MYO5A: variants seen among roughly 807,000 people sequenced by gnomAD.
The protein encoded by MYO5A is myosin VA, also known as unconventional myosin-Va.
In MYO5A, 98 loss-of-function variants were observed where a neutral mutation model predicts 249.7. The ratio of observed to expected loss-of-function variants is 0.39; its 90% CI spans 0.33 to 0.46. The LOEUF (loss-of-function observed/expected upper bound fraction) is 0.46. MYO5A is among the 20% of genes least tolerant of loss of function. The pLI, the probability that MYO5A is intolerant of heterozygous loss-of-function variation, is 0.98. For missense variants in MYO5A, 1,696 were observed against 2,308.8 expected, an observed-to-expected ratio of 0.73 and a Z score of 5.44; for synonymous variants, 778 against 810.6, an observed-to-expected ratio of 0.96 and a Z score of 0.68.
chr15:52,397,485 T>G lies in MYO5A; in HGVS notation c.1054-19A>C. On this transcript the variant is annotated intron_variant, in intron 9 of 41. Coordinates refer to ENST00000399233, the MANE Select transcript of MYO5A (RefSeq NM_001382347.1). Reference sequence around the variant, plus strand: ...GCTTGGGCTGCCAAAAGATAATGAGTTATTTCCTATGACCAGATAAATCAA... The same window carrying G: ...GCTTGGGCTGCCAAAAGATAATGAGGTATTTCCTATGACCAGATAAATCAA... 1.2e-6 allele frequency: 2 copies of G among 1,612,242 alleles called. No homozygotes were observed. The highest frequency in any genetic ancestry group is 2.2e-5 in the South Asian group (2 of 90,872).
At chr15:52,441,085 A>G (rs1469898120) in intron 1 of MYO5A, among the ~76,000 whole-genome samples, 2 of 152,220 alleles carry the variant, frequency 1.3e-5, no homozygotes, top group Non-Finnish European at 2.9e-5. Flanking sequence ...GAAATCTGAC[A>G]TTAATGCGGA....
chr15:52,379,850 G>T lies in MYO5A; in HGVS notation c.2071C>A (p.Arg691=), dbSNP rs768378080. Residue 691 remains arginine (R), a synonymous_variant, in exon 17 of 42, where the codon CGA becomes AGA. Coordinates refer to ENST00000399233, the MANE Select transcript of MYO5A (RefSeq NM_001382347.1). ...GAGGGGAAACCGGCCGCACTGATTC[G>T]GATGGTTTCCAGGACACCACATGCT... The part of the protein sequence containing the change: ...LRACGVLETI[R]ISAAGFPSRW... 2 of 1,613,982 alleles carry T rather than the reference G, an allele frequency of 1.2e-6. No homozygotes were observed. Among genetic ancestry groups the T allele is most frequent in the African/African-American group, 2.7e-5 (2 of 74,900 alleles).
intron 39 of MYO5A, among the ~76,000 whole-genome samples, chr15:52,317,757 GGAGA>G (rs1474134583): frequency 6.6e-6 from 1 of 152,212 alleles, no homozygotes; most frequent in Non-Finnish European, 1.5e-5. Context: ...CGGGATGAAA[GGAGA>G]GAGAGGCAAG....
chr15:52,386,199 C>T (rs913870582), intron 14 of MYO5A, among the ~76,000 whole-genome samples: 1 of 151,982 alleles, frequency 6.6e-6, no homozygotes, highest in Admixed American at 6.6e-5. Flanking sequence ...GTCCCAGCTA[C>T]TTGGGAGGCT....
At chr15:52,350,757 C>A (rs55978431) in intron 28 of MYO5A, among the ~76,000 whole-genome samples, 22,824 of 152,150 alleles carry the variant, frequency 0.15, 1,807 homozygotes, top group Middle Eastern at 0.22. Flanking sequence ...GCCCCTCCCA[C>A]TGGGACATCA....
chr15:52,510,654 T>G (rs1023152811), intron 1 of MYO5A, among the ~76,000 whole-genome samples: 1 of 152,226 alleles, frequency 6.6e-6, no homozygotes, highest in African/African-American at 2.4e-5. Context: ...CTAGGTTGCA[T>G]GCTTCTCATG....
At chr15:52,465,746 C>T (rs2076339697) in intron 1 of MYO5A, among the ~76,000 whole-genome samples, 1 of 151,896 alleles carries the variant, frequency 6.6e-6, no homozygotes. Context: ...ATTTTTTTCG[C>T]CCAAGATGGC....
intron 1 of MYO5A, among the ~76,000 whole-genome samples, chr15:52,483,116 G>C (rs145815850): frequency 6.6e-6 from 1 of 152,166 alleles, no homozygotes; most frequent in African/African-American, 2.4e-5. Context: ...TGCTAATGGG[G>C]TCAGAACTGT....
intron 24 of MYO5A, among the ~76,000 whole-genome samples, chr15:52,363,952 CA>C (rs1421673060): frequency 6.6e-6 from 1 of 152,052 alleles, no homozygotes; most frequent in Non-Finnish European, 1.5e-5. Flanking sequence ...AAACAAAGTC[CA>C]ACTGGCCGGG....
At chr15:52,339,552 A>C (rs895402809) in intron 32 of MYO5A, among the ~76,000 whole-genome samples, 9 of 152,118 alleles carry the variant, frequency 5.9e-5, no homozygotes, top group African/African-American at 2.2e-4. Context: ...GGCAAAAAAA[A>C]GAAAAGAAAA....
chr15:52,472,545 T>A (rs1373012449), intron 1 of MYO5A, among the ~76,000 whole-genome samples: 4 of 151,674 alleles, frequency 2.6e-5, no homozygotes, highest in Non-Finnish European at 5.9e-5. Context: ...CCCTCCCCCA[T>A]CCCCCCACCG....
intron 16 of MYO5A, among the ~76,000 whole-genome samples, chr15:52,382,654 T>G (rs147593397): frequency 1.6e-3 from 242 of 152,344 alleles, no homozygotes; most frequent in African/African-American, 5.7e-3. Flanking sequence ...TCTCCCTTCA[T>G]GCATGGTATC....
At chr15:52,468,515 T>G (rs1396121517) in intron 1 of MYO5A, among the ~76,000 whole-genome samples, 2 of 151,846 alleles carry the variant, frequency 1.3e-5, no homozygotes, top group Admixed American at 1.3e-4. Context: ...AAAAAATTTT[T>G]TTTAATTAGC....
At chr15:52,472,077 G>C (rs1390057614) in intron 1 of MYO5A, among the ~76,000 whole-genome samples, 1 of 72,264 alleles carries the variant, frequency 1.4e-5, no homozygotes, top group African/African-American at 4.1e-5. Flanking sequence ...CTGTTATCCT[G>C]ACATTTTTTT....
intron 4 of MYO5A, among the ~76,000 whole-genome samples, chr15:52,421,676 G>T (rs2043799899): frequency 6.6e-6 from 1 of 152,040 alleles, no homozygotes; most frequent in South Asian, 2.1e-4. Flanking sequence ...CCCTACCATG[G>T]TCTCCCCTCA....
At chr15:52,331,563 A>G (rs1437234251) in intron 34 of MYO5A, 1 of 618,222 alleles carries the variant, frequency 1.6e-6, no homozygotes, top group Admixed American at 6.5e-5. Context: ...GATCAGATGC[A>G]AAAACATTAG....
intron 1 of MYO5A, among the ~76,000 whole-genome samples, chr15:52,466,291 G>GTTCCCACA (rs2076350832): frequency 6.6e-6 from 1 of 152,096 alleles, no homozygotes; most frequent in South Asian, 2.1e-4. Flanking sequence ...CCTGTGGGAG[G>GTTCCCACA]GGCTCCCACA....
intron 1 of MYO5A, among the ~76,000 whole-genome samples, chr15:52,496,858 T>C (rs372250041): frequency 2.0e-5 from 3 of 152,184 alleles, no homozygotes; most frequent in East Asian, 3.8e-4. Context: ...TCCTTCAGGG[T>C]AGTCCTGAGT....
At chr15:52,511,982 T>C (rs2077398671) in intron 1 of MYO5A, among the ~76,000 whole-genome samples, 2 of 151,864 alleles carry the variant, frequency 1.3e-5, no homozygotes, top group Admixed American at 1.3e-4. Flanking sequence ...GCTAACACGG[T>C]GAAACCCCGC....
Sources: gnomAD v4.1 joint callset for allele counts (sites outside exome capture counted in the v4.1 genomes callset) on GRCh38, gnomAD v4.1.1 for gene constraint, MANE v1.5 for transcripts, NCBI Gene and HGNC (gene_info 2026-07-23, HGNC 2026-07-21) for gene names.